Variants in GPR39 observed in about 807,000 individuals in gnomAD.
GPR39 encodes zinc sensing receptor.
Under a neutral mutation model 18.4 loss-of-function variants are expected in GPR39, and 23 were observed. The observed-to-expected ratio is 1.25, with a 90% CI of 0.90 to 1.77. The LOEUF is 1.77. Ranked by LOEUF, GPR39 falls within the 40% of genes most tolerant of loss-of-function variation. GPR39 has a pLI of 0.00. For synonymous variants in GPR39, 280 were observed against 257.9 expected (o/e 1.09, Z -0.82); for missense variants, 647 against 602.4 (o/e 1.07, Z -0.78).
intron 1 of GPR39, among the ~76,000 whole-genome samples, chr2:132,451,174 T>TGTGTGC (rs3219552): frequency 0.011 from 1,606 of 150,432 alleles, 18 homozygotes; most frequent in Middle Eastern, 0.021. Context: ...TGTGTGTGTG[T>TGTGTGC]GCACGCGCGT....
intron 1 of GPR39, among the ~76,000 whole-genome samples, chr2:132,446,917 G>T (rs1292192212): frequency 1.3e-5 from 2 of 152,180 alleles, no homozygotes; most frequent in Non-Finnish European, 2.9e-5. Context: ...AAGCAACATG[G>T]TTAGGGCCTG....
At chr2:132,488,009 G>C (rs764955661) in intron 1 of GPR39, among the ~76,000 whole-genome samples, 1 of 152,150 alleles carries the variant, frequency 6.6e-6, no homozygotes, top group Non-Finnish European at 1.5e-5. Flanking sequence ...ATGTAAAATA[G>C]TAAAAGAAAA....
Sources: gnomAD v4.1 joint callset for allele counts (sites outside exome capture counted in the v4.1 genomes callset) on GRCh38, gnomAD v4.1.1 for gene constraint, MANE v1.5 for transcripts, NCBI Gene and HGNC (gene_info 2026-07-23, HGNC 2026-07-21) for gene names.